RPL3L: variants seen among roughly 807,000 people sequenced by gnomAD.
RPL3L encodes the protein ribosomal protein uL3-like.
RPL3L carries 44 observed loss-of-function variants against 44.5 expected under a neutral mutation model. The observed-to-expected ratio is 0.99, with a 90% CI of 0.78 to 1.27. The LOEUF (loss-of-function observed/expected upper bound fraction) is 1.27, where lower values mean the gene tolerates loss of function less well. RPL3L is among the 50% of genes most tolerant of loss of function. The probability of loss-of-function intolerance (pLI) is 0.00; values close to 1 mark genes in which losing one functional copy is unlikely to be tolerated. For synonymous variants in RPL3L, 292 were observed against 230.7 expected, an observed-to-expected ratio of 1.27 and a Z score of -2.41; for missense variants, 631 against 569.1, an observed-to-expected ratio of 1.11 and a Z score of -1.11.
At chr16:1,950,507 C>G (rs1364622192) in intron 4 of RPL3L, among the ~76,000 whole-genome samples, 1 of 152,100 alleles carries the variant, frequency 6.6e-6, no homozygotes, top group African/African-American at 2.4e-5. Context: ...GACCCATGTA[C>G]AAACACGGAT....
rs754193480 is a variant in RPL3L at position 1,947,365 on chromosome 16, A to G, written c.517T>C (p.Phe173Leu). The change falls in exon 5 of 10, where the codon TTC becomes CTC. Residue 173 changes from phenylalanine (F) to leucine (L), a missense_variant. By Grantham distance (22) the Phe-to-Leu change is conservative. Coordinates refer to ENST00000268661, the MANE Select transcript of RPL3L (RefSeq NM_005061.3). ...ATGATGTGGGCCTTCTTCTGCCGGA[A>G]GGGCAGCAGTTTCATCTGCAGGACA... ...IVHTQMKLLPFRQKKAHIMEI... is the reference protein window; with the variant it reads ...IVHTQMKLLPLRQKKAHIMEI... The G allele has an allele frequency of 1.3e-6, 2 of 1,588,726 alleles. No homozygotes were observed. The highest frequency in any genetic ancestry group is 1.1e-5 in the South Asian group (1 of 89,188).
Position 1,950,996 on chromosome 16 carries a change from A to G in RPL3L, c.366-17T>C. The G allele has an allele frequency of 6.2e-7, 1 of 1,612,264 alleles. No homozygotes were observed. Among genetic ancestry groups the G allele is most frequent in the Non-Finnish European group, 8.5e-7 (1 of 1,179,352 alleles). On this transcript the variant is annotated splice_polypyrimidine_tract_variant and intron_variant, in intron 3 of 9. Coordinates refer to ENST00000268661, the MANE Select transcript of RPL3L (RefSeq NM_005061.3). ...CTCTTGTGCCTGAGCCATGCACAGG[A>G]GGGTGCTCAGAAGCCCCCAACCGGG...
intron 3 of RPL3L, 30 bp downstream of exon 3, chr16:1,952,844 T>C (rs551108244): frequency 1.2e-5 from 19 of 1,611,988 alleles, no homozygotes; most frequent in Non-Finnish European, 1.5e-5. Context: ...CCAGCAGCCC[T>C]TGGACGGCCC....
intron 1 of RPL3L, 46 bp downstream of exon 1, chr16:1,954,583 A>G: frequency 6.9e-7 from 1 of 1,448,894 alleles, no homozygotes; most frequent in Non-Finnish European, 9.4e-7. Flanking sequence ...ACCCCCCCAG[A>G]GTTCCAGCTC....
At chr16:1,945,717 C>T in intron 8 of RPL3L, 99 bp from the exon 9 acceptor site, 1 of 1,602,036 alleles carries the variant, frequency 6.2e-7, no homozygotes, top group South Asian at 1.1e-5. Flanking sequence ...TCACCTAGTT[C>T]CTACCAGAGC....
At position 1,944,445 on chromosome 16, in the gene RPL3L, C is replaced by T. The variant is rs2083104422; in HGVS notation, c.*392G>A. 5.8e-6 allele frequency: 1 copy of T among 171,264 alleles called. No homozygotes were observed. Among genetic ancestry groups the T allele is most frequent in the Admixed American group, 5.8e-5 (1 of 17,296 alleles). The allele number at this position is 171,264 out of a possible 1,614,324, so 10.6% of individuals were successfully genotyped here. ...TGTGATTTCCTCCCTGACCAATCGGCTCTCCTGGCTCACTGGCTCTCCCCA... is the reference window on the plus strand; with the variant it reads ...TGTGATTTCCTCCCTGACCAATCGGTTCTCCTGGCTCACTGGCTCTCCCCA... On this transcript the variant is annotated 3_prime_UTR_variant, in exon 10 of 10. Coordinates refer to ENST00000268661, the MANE Select transcript of RPL3L (RefSeq NM_005061.3).
chr16:1,950,607 C>T (rs2083165209), intron 4 of RPL3L, among the ~76,000 whole-genome samples: 1 of 152,166 alleles, frequency 6.6e-6, no homozygotes, highest in African/African-American at 2.4e-5. Context: ...TCAGGGCGTG[C>T]CAGGGTCTTA....
Position 1,953,791 on chromosome 16 carries a change from G to A in RPL3L, c.196+165C>T, listed in dbSNP as rs563375613. 1.1e-4 allele frequency among the ~76,000 whole-genome samples: 17 copies of A among 152,292 alleles called. 1 individual carries two copies. Among genetic ancestry groups the A allele is most frequent in the Admixed American group, 5.2e-4 (8 of 15,296 alleles). On this transcript the variant is annotated intron_variant, in intron 2 of 9. Transcript: ENST00000268661. ...GCGAGCTGGGGCCATGACAGAACCC[G>A]CCCGGAAGCCCTGCCTGTGCTCAGC...
rs970494617 is a variant in RPL3L, at chr16:1,948,974, G to C, written c.502-1594C>G. 6.6e-5 allele frequency among the ~76,000 whole-genome samples: 10 copies of C among 150,732 alleles called. No individual in the cohort carries two copies. In the South Asian group the frequency reaches 2.1e-3, roughly 31 times the overall value. ...GATCTGCCTGCCTCGGCCTCCCAAA[G>C]TGCTGGAATTACAGACGTGAGCCAC... On this transcript the variant is annotated intron_variant, in intron 4 of 9. Coordinates refer to ENST00000268661, the MANE Select transcript of RPL3L (RefSeq NM_005061.3).
In RPL3L at chr16:1,952,865, G is replaced by A. The variant is rs201503112; in HGVS notation, c.365+9C>T. On this transcript the variant is annotated intron_variant, in intron 3 of 9. Coordinates refer to ENST00000268661, the MANE Select transcript of RPL3L (RefSeq NM_005061.3). ...GCCCTTGGACGGCCCAGCCAAGGGC[G>A]GTGCTCACCAGTCCTTGTAGAATCG... 1.7e-5 allele frequency: 27 copies of A among 1,613,396 alleles called. No individual in the cohort carries two copies. The highest frequency in any genetic ancestry group is 7.7e-5 in the South Asian group (7 of 91,072).
In RPL3L at chr16:1,946,983, C is replaced by T. The variant is rs2083126382; in HGVS notation, c.804G>A (p.Arg268=). ...GGTGGTGATAGCCCTTCTGCCCGGC[C>T]CGAGCAATGGAGCAGCCCACGCGGG... is the stretch of plus-strand genomic sequence containing the variant. ...HPARVGCSIA[R]AGQKGYHHRT... is the part of the protein sequence containing the mutation. The change falls in exon 6 of 10, where the codon CGG becomes CGA. Residue 268 remains arginine, a synonymous_variant. Coordinates refer to ENST00000268661, the MANE Select transcript of RPL3L (RefSeq NM_005061.3). 4 of 1,610,536 alleles carry T rather than the reference C, an allele frequency of 2.5e-6. No homozygotes were observed. Among genetic ancestry groups the T allele is most frequent in the Non-Finnish European group, 3.4e-6 (4 of 1,179,110 alleles).
intron 9 of RPL3L, 91 bp from the exon 10 acceptor site, chr16:1,944,984 C>A: frequency 1.3e-6 from 2 of 1,497,520 alleles, no homozygotes; most frequent in South Asian, 1.1e-5. Flanking sequence ...TCAGGGCCGG[C>A]CCTACTGCCC....
chr16:1,947,458 A>AC (rs1024484738), intron 4 of RPL3L, 78 bp from the exon 5 acceptor site: 354 of 1,421,692 alleles, frequency 2.5e-4, no homozygotes, highest in Non-Finnish European at 3.2e-4. Context: ...GCCAGCAGTG[A>AC]CCCCTGCCGC....
intron 7 of RPL3L, 41 bp from the exon 8 acceptor site, chr16:1,945,971 TTC>T: frequency 1.3e-6 from 2 of 1,553,938 alleles, no homozygotes; most frequent in Non-Finnish European, 1.7e-6. Context: ...CGGAAAGGGC[TTC>T]TGAGTTAGTG....
chr16:1,948,180 G>A (rs956546884), intron 4 of RPL3L, among the ~76,000 whole-genome samples: 28 of 151,444 alleles, frequency 1.8e-4, no homozygotes, highest in East Asian at 9.7e-4. Flanking sequence ...CTCATGATCC[G>A]CCCGCCTCAG....
At chr16:1,948,441 T>C (rs2150862895) in intron 4 of RPL3L, among the ~76,000 whole-genome samples, 1 of 151,884 alleles carries the variant, frequency 6.6e-6, no homozygotes, top group East Asian at 1.9e-4. Context: ...GCCAGGCTGG[T>C]TTCAAACTCC....
intron 3 of RPL3L, 22 bp downstream of exon 3, chr16:1,952,852 C>T: frequency 1.9e-6 from 3 of 1,612,566 alleles, no homozygotes; most frequent in Non-Finnish European, 2.5e-6. Context: ...CCTTGGACGG[C>T]CCAGCCAAGG....
intron 4 of RPL3L, 83 bp downstream of exon 4, chr16:1,950,761 T>A (rs2083166454): frequency 6.2e-7 from 1 of 1,602,338 alleles, no homozygotes; most frequent in Non-Finnish European, 8.5e-7. Context: ...ATTTTTAGGC[T>A]GACATTTGCC....
In RPL3L at chr16:1,944,598, G is replaced by T. The variant is rs2083106158; in HGVS notation, c.*239C>A. The T allele has an allele frequency of 3.9e-5, 15 of 387,384 alleles. No individual in the cohort carries two copies. Among genetic ancestry groups the T allele is most frequent in the African/African-American group, 6.2e-5 (3 of 48,386 alleles). 24.0% of individuals were successfully genotyped at this position (387,384 alleles called of 1,614,324 possible). A position where few individuals can be genotyped will look rare whatever the true frequency, so the allele number is the denominator to read the frequency against. ...CGCAAATGCTCAAAGAGATCGATTT[G>T]AGTAATAATAAAACATAAAACTCCG... On this transcript the variant is annotated 3_prime_UTR_variant, in exon 10 of 10. Transcript: ENST00000268661.
Sources: allele counts gnomAD v4.1 joint callset (sites outside exome capture counted in the v4.1 genomes callset), GRCh38; gene constraint gnomAD v4.1.1; transcripts MANE v1.5; gene names NCBI Gene and HGNC (gene_info 2026-07-23, HGNC 2026-07-21).